Variants in SDCCAG8 observed in about 807,000 individuals in gnomAD.
SDCCAG8 encodes serologically defined colon cancer antigen 8.
Under a neutral mutation model 101.8 loss-of-function variants are expected in SDCCAG8, and 74 were observed. That is an observed-to-expected ratio of 0.73 (90% confidence interval 0.60 to 0.88). The LOEUF (loss-of-function observed/expected upper bound fraction) is 0.88. Ranked by LOEUF, SDCCAG8 falls within the 40% of genes least tolerant of loss-of-function variation. The pLI is 0.00. For missense variants in SDCCAG8, 787 were observed against 822.6 expected (o/e 0.96, Z 0.53); for synonymous variants, 281 against 292.9 (o/e 0.96, Z 0.41).
intron 4 of SDCCAG8, among the ~76,000 whole-genome samples, chr1:243,280,880 T>C (rs1340195084): frequency 2.0e-5 from 3 of 152,250 alleles, no homozygotes; most frequent in Admixed American, 2.0e-4. Flanking sequence ...TGTGTACTGC[T>C]GTTCTTGGAT....
chr1:243,348,376 C>A (rs1379329063), intron 12 of SDCCAG8, among the ~76,000 whole-genome samples: 1 of 151,816 alleles, frequency 6.6e-6, no homozygotes, highest in Non-Finnish European at 1.5e-5. Context: ...ACCTCCCTGT[C>A]CAGCTCTAAG....
chr1:243,333,195 A>G (rs1237328104), intron 10 of SDCCAG8, among the ~76,000 whole-genome samples: 1 of 151,592 alleles, frequency 6.6e-6, no homozygotes, highest in Non-Finnish European at 1.5e-5. Flanking sequence ...GTCTCCTTTC[A>G]CCCCCTCAAG....
intron 16 of SDCCAG8, among the ~76,000 whole-genome samples, chr1:243,471,314 T>C (rs1661214846): frequency 6.6e-6 from 1 of 152,178 alleles, no homozygotes; most frequent in African/African-American, 2.4e-5. Context: ...GGAGAGGCAA[T>C]TGGCCCTCGG....
At position 243,417,000 on chromosome 1, in the gene SDCCAG8, A is replaced by C. The variant is rs1353508275; in HGVS notation, c.1745-968A>C. 6.6e-6 allele frequency among the ~76,000 whole-genome samples: 1 copy of C among 152,202 alleles called. No homozygotes were observed. Among genetic ancestry groups the C allele is most frequent in the Non-Finnish European group, 1.5e-5 (1 of 68,030 alleles). On this transcript the variant is annotated intron_variant, in intron 14 of 17. Coordinates refer to ENST00000366541, the MANE Select transcript of SDCCAG8 (RefSeq NM_006642.5). This position sits in a 1 kb window ranked among gnomAD's most constrained non-coding sequence, Gnocchi z 4.3. The stretch of plus-strand genomic sequence containing the variant: ...ATGTATTAATATATTGTATTTGATG[A>C]CACAGTAAGAAATTATTTCTTATCC...
chr1:243,446,476 G>C (rs1490966457), intron 16 of SDCCAG8, among the ~76,000 whole-genome samples: 1 of 152,152 alleles, frequency 6.6e-6, no homozygotes, highest in Non-Finnish European at 1.5e-5. Context: ...TTGTTGCCCA[G>C]GCTGGTCTCG....
At chr1:243,411,093 C>T (rs1274432837) in intron 13 of SDCCAG8, among the ~76,000 whole-genome samples, 2 of 152,090 alleles carry the variant, frequency 1.3e-5, no homozygotes, top group Admixed American at 1.3e-4. Flanking sequence ...ATTTGCTCCT[C>T]CTTTAATTTA....
chr1:243,264,166 A>T (rs1007417898), intron 1 of SDCCAG8, among the ~76,000 whole-genome samples: 5 of 152,248 alleles, frequency 3.3e-5, no homozygotes, highest in African/African-American at 1.2e-4. Context: ...CAGATGGAGA[A>T]TGAAGAAATT....
Position 243,465,196 on chromosome 1 carries a change from G to A in SDCCAG8, c.1986-23818G>A, listed in dbSNP as rs1457865503. 2.0e-5 allele frequency among the ~76,000 whole-genome samples: 3 copies of A among 152,150 alleles called. No homozygotes were observed. In the South Asian group the frequency reaches 6.2e-4, roughly 31 times the overall value. On this transcript the variant is annotated intron_variant, in intron 16 of 17. Transcript: ENST00000366541. ...AGTCATGGTCTCTTTTGGGAGGGTC[G>A]GGGCTGGTGGGAACAAATTCCTGCC...
intron 9 of SDCCAG8, among the ~76,000 whole-genome samples, chr1:243,324,510 G>A (rs2074005875): frequency 7.8e-6 from 1 of 128,896 alleles, no homozygotes; most frequent in Non-Finnish European, 1.5e-5. Context: ...TGTCACCCAG[G>A]CTCAGTGGTG....
intron 13 of SDCCAG8, among the ~76,000 whole-genome samples, chr1:243,389,315 T>A (rs936807949): frequency 3.3e-5 from 5 of 152,232 alleles, no homozygotes; most frequent in Non-Finnish European, 7.3e-5. Flanking sequence ...AGAGGCATCA[T>A]CAGTTCTTCA....
At chr1:243,266,936 T>A (rs2067648858) in intron 1 of SDCCAG8, among the ~76,000 whole-genome samples, 1 of 102,980 alleles carries the variant, frequency 9.7e-6, no homozygotes, top group Non-Finnish European at 2.0e-5. Flanking sequence ...AGAGTGCAAC[T>A]TCGTCTCAAA....
chr1:243,447,983 C>G (rs1421786773), intron 16 of SDCCAG8, among the ~76,000 whole-genome samples: 1 of 152,152 alleles, frequency 6.6e-6, no homozygotes. Context: ...TCATCTTTCA[C>G]CCTTCCTGTC....
intron 6 of SDCCAG8, among the ~76,000 whole-genome samples, chr1:243,303,501 C>T (rs2071756401): frequency 6.6e-6 from 1 of 152,166 alleles, no homozygotes; most frequent in Admixed American, 6.5e-5. Context: ...GAAGACAAGA[C>T]CAACCCCTCC....
At chr1:243,473,179 C>T (rs554498675) in intron 16 of SDCCAG8, among the ~76,000 whole-genome samples, 44 of 152,216 alleles carry the variant, frequency 2.9e-4, no homozygotes, top group Non-Finnish European at 5.7e-4. Flanking sequence ...TTTTACCTTC[C>T]AAGTGTACAT....
intron 16 of SDCCAG8, among the ~76,000 whole-genome samples, chr1:243,428,677 T>TA (rs2081508037): frequency 6.6e-6 from 1 of 152,260 alleles, no homozygotes; most frequent in South Asian, 2.1e-4. Context: ...AAATCTATTA[T>TA]AAAAAGTTAA....
chr1:243,482,944 G>A (rs927790078), intron 16 of SDCCAG8, among the ~76,000 whole-genome samples: 1 of 152,198 alleles, frequency 6.6e-6, no homozygotes, highest in Non-Finnish European at 1.5e-5. Context: ...GCAGGCTGTG[G>A]GGGGCTTCTT....
intron 6 of SDCCAG8, among the ~76,000 whole-genome samples, chr1:243,299,852 G>T (rs2071324915): frequency 2.0e-5 from 3 of 150,154 alleles, no homozygotes; most frequent in East Asian, 2.0e-4. Flanking sequence ...CTCTTTTTCT[G>T]TCTTCTTTGA....
At chr1:243,481,119 C>A (rs1663670218) in intron 16 of SDCCAG8, among the ~76,000 whole-genome samples, 1 of 152,052 alleles carries the variant, frequency 6.6e-6, no homozygotes, top group Admixed American at 6.5e-5. Context: ...TGCTCAGGAT[C>A]CTTGGCCTCT....
At chr1:243,362,615 A>G (rs1170792811) in intron 12 of SDCCAG8, among the ~76,000 whole-genome samples, 1 of 152,236 alleles carries the variant, frequency 6.6e-6, no homozygotes, top group Non-Finnish European at 1.5e-5. Flanking sequence ...TGCTCAATAC[A>G]CACTAATAAT....
Sources: allele counts gnomAD v4.1 joint callset (sites outside exome capture counted in the v4.1 genomes callset), GRCh38; gene constraint gnomAD v4.1.1; non-coding constraint Gnocchi (gnomAD v3.1); transcripts MANE v1.5; gene names NCBI Gene and HGNC (gene_info 2026-07-23, HGNC 2026-07-21).